The following TRAPPC9 variants were observed in gnomAD, a reference collection of about 807,000 sequenced individuals.
The protein encoded by TRAPPC9 is IKK2 binding protein.
In TRAPPC9, 83 loss-of-function variants were observed where a neutral mutation model predicts 124.0. That is an observed-to-expected ratio of 0.67 (90% CI 0.56 to 0.80). The LOEUF is 0.80. Among genes scored for constraint, TRAPPC9 ranks in the 30% least tolerant of loss-of-function variants. The pLI is 0.00. For missense variants in TRAPPC9, 1,302 were observed against 1,508.3 expected (o/e 0.86, Z 2.27); for synonymous variants, 638 against 617.5 (o/e 1.03, Z -0.49).
intron 10 of TRAPPC9, among the ~76,000 whole-genome samples, chr8:140,301,579 T>A (rs2065977727): frequency 6.6e-6 from 1 of 152,094 alleles, no homozygotes; most frequent in Non-Finnish European, 1.5e-5. Flanking sequence ...AGACGGTGGT[T>A]AAGATCTGGA....
chr8:140,275,143 C>A (rs2065072015), intron 15 of TRAPPC9, among the ~76,000 whole-genome samples: 1 of 152,088 alleles, frequency 6.6e-6, no homozygotes, highest in South Asian at 2.1e-4. Flanking sequence ...CTAAATACTA[C>A]CCCCCCTATT....
At chr8:140,455,638 C>T (rs1588391536) in intron 1 of TRAPPC9, among the ~76,000 whole-genome samples, 1 of 150,598 alleles carries the variant, frequency 6.6e-6, no homozygotes, top group Non-Finnish European at 1.5e-5. Flanking sequence ...ACCATGTTGG[C>T]CGGGATGGTC....
At chr8:140,075,331 C>T (rs1007914895) in intron 17 of TRAPPC9, among the ~76,000 whole-genome samples, 7 of 152,234 alleles carry the variant, frequency 4.6e-5, no homozygotes, top group African/African-American at 1.7e-4. Context: ...TAACTCTTGA[C>T]TAGTTGGGGC....
chr8:140,380,228 G>A (rs1472265409), intron 7 of TRAPPC9, among the ~76,000 whole-genome samples: 1 of 152,094 alleles, frequency 6.6e-6, no homozygotes, highest in Non-Finnish European at 1.5e-5. Context: ...TGTGGTACTG[G>A]CATAAGTACC....
intron 17 of TRAPPC9, among the ~76,000 whole-genome samples, chr8:140,030,672 A>T (rs77641387): frequency 6.4e-4 from 98 of 152,350 alleles, no homozygotes; most frequent in African/African-American, 2.2e-3. Flanking sequence ...AATACTACTC[A>T]GCTAAAGAAT....
intron 15 of TRAPPC9, among the ~76,000 whole-genome samples, chr8:140,272,097 A>AT (rs1368279693): frequency 3.8e-5 from 2 of 52,328 alleles, no homozygotes; most frequent in African/African-American, 2.5e-4. Flanking sequence ...GTTGATGATG[A>AT]GGTGATTGTG....
chr8:140,142,901 A>C (rs1229151718), intron 17 of TRAPPC9, among the ~76,000 whole-genome samples: 1 of 152,214 alleles, frequency 6.6e-6, no homozygotes, highest in Non-Finnish European at 1.5e-5. Context: ...CGCACCTGGT[A>C]GTGTCCAACT....
intron 10 of TRAPPC9, 66 bp from the exon 11 acceptor site, chr8:140,300,680 A>G (rs2065951082): frequency 6.3e-7 from 1 of 1,593,786 alleles, no homozygotes; most frequent in African/African-American, 1.3e-5. Context: ...GATAAACATA[A>G]CCAAACATGA....
chr8:140,435,386 T>A, intron 3 of TRAPPC9, 146 bp from the exon 4 acceptor site: 1 of 1,216,770 alleles, frequency 8.2e-7, no homozygotes, highest in Non-Finnish European at 1.2e-6. Context: ...ATGCCAATTT[T>A]TCTCCCAAAA....
At chr8:139,952,673 C>T (rs1189752652) in intron 19 of TRAPPC9, among the ~76,000 whole-genome samples, 1 of 152,188 alleles carries the variant, frequency 6.6e-6, no homozygotes, top group Non-Finnish European at 1.5e-5. Context: ...CAAGGCAGGT[C>T]GCCAGAGGAT....
At chr8:140,126,106 G>A (rs2061092167) in intron 17 of TRAPPC9, among the ~76,000 whole-genome samples, 2 of 152,036 alleles carry the variant, frequency 1.3e-5, no homozygotes, top group African/African-American at 2.4e-5. Context: ...TTCAAATGAG[G>A]GCATTTTGCG....
intron 21 of TRAPPC9, among the ~76,000 whole-genome samples, chr8:139,791,927 G>A (rs543112476): frequency 5.9e-5 from 9 of 152,248 alleles, no homozygotes; most frequent in African/African-American, 1.4e-4. Context: ...GGAGCCCCTC[G>A]ACAAGGATTC....
intron 15 of TRAPPC9, among the ~76,000 whole-genome samples, chr8:140,263,698 C>T (rs1016427314): frequency 6.6e-6 from 1 of 152,184 alleles, no homozygotes; most frequent in Non-Finnish European, 1.5e-5. Context: ...GTCACAGACA[C>T]AAGTAACTTG....
rs1395568982 is a variant in TRAPPC9 at position 139,961,968 on chromosome 8, C to T, written c.2810+26758G>A. On this transcript the variant is annotated intron_variant, in intron 19 of 22. Coordinates refer to ENST00000438773, the MANE Select transcript of TRAPPC9 (RefSeq NM_001160372.4). Reference sequence around the variant, plus strand: ...CTGATAGCTGGAGATGATGGGACAACCAGCTGCAGAGAGGAGCTCCTCTCT... The same window carrying T: ...CTGATAGCTGGAGATGATGGGACAATCAGCTGCAGAGAGGAGCTCCTCTCT... 2.4e-5 allele frequency among the ~76,000 whole-genome samples: 3 copies of T among 123,548 alleles called. 1 individual carries two copies. Among genetic ancestry groups the T allele is most frequent in the Non-Finnish European group, 5.8e-5 (3 of 51,754 alleles). The allele number at this position is 123,548 out of a possible 152,430, so 81.1% of individuals were successfully genotyped here.
chr8:139,889,514 A>AT (rs1304953861), intron 20 of TRAPPC9, among the ~76,000 whole-genome samples: 1 of 152,172 alleles, frequency 6.6e-6, no homozygotes, highest in Non-Finnish European at 1.5e-5. Context: ...GGAGTGTTTC[A>AT]TGGGTGCCCA....
intron 21 of TRAPPC9, among the ~76,000 whole-genome samples, chr8:139,767,195 G>T (rs1242500278): frequency 6.6e-6 from 1 of 152,172 alleles, no homozygotes; most frequent in Non-Finnish European, 1.5e-5. Flanking sequence ...AACAAATAAG[G>T]CATCCTCTGA....
chr8:139,967,452 G>A (rs190097497), intron 19 of TRAPPC9, among the ~76,000 whole-genome samples: 9 of 152,350 alleles, frequency 5.9e-5, no homozygotes, highest in African/African-American at 1.9e-4. Flanking sequence ...CGAATGACTC[G>A]ATCCAGTTCC....
intron 21 of TRAPPC9, among the ~76,000 whole-genome samples, chr8:139,769,438 G>A (rs993969295): frequency 6.6e-5 from 10 of 152,254 alleles, no homozygotes; most frequent in African/African-American, 1.4e-4. Flanking sequence ...AAAGGGAGAT[G>A]CAGGGCATGA....
In TRAPPC9 at chr8:139,884,946, T is replaced by C. The variant is rs545614348; in HGVS notation, c.3055+933A>G. 2.0e-5 allele frequency among the ~76,000 whole-genome samples: 3 copies of C among 152,054 alleles called. No homozygotes were observed. The South Asian group carries it at 6.2e-4, about 32-fold the overall frequency. On this transcript the variant is annotated intron_variant, in intron 21 of 22. Transcript: ENST00000438773. ...TCCAGGCTGAAGGGCGCTGGTGGAG[T>C]GCAAGGAGAAAGGCTTGTTTTCTCC...
Sources: allele counts gnomAD v4.1 joint callset (sites outside exome capture counted in the v4.1 genomes callset), GRCh38; gene constraint gnomAD v4.1.1; transcripts MANE v1.5; gene names NCBI Gene and HGNC (gene_info 2026-07-23, HGNC 2026-07-21).